Variants in NCS1 observed in about 807,000 individuals in gnomAD.
The protein encoded by NCS1 is frequenin homolog.
A neutral mutation model predicts 28.4 loss-of-function variants in NCS1; 6 were observed. The observed-to-expected ratio is 0.21, with a 90% CI of 0.12 to 0.42. The LOEUF is 0.42. NCS1 is among the 10% of genes least tolerant of loss of function. The probability of loss-of-function intolerance (pLI) is 1.00; values close to 1 mark genes in which losing one functional copy is unlikely to be tolerated. For missense variants in NCS1, 131 were observed against 241.4 expected, an observed-to-expected ratio of 0.54 and a Z score of 3.03; for synonymous variants, 86 against 99.3, an observed-to-expected ratio of 0.87 and a Z score of 0.79.
chr9:130,225,494 T>A (rs997315682), intron 6 of NCS1, among the ~76,000 whole-genome samples: 1 of 152,278 alleles, frequency 6.6e-6, no homozygotes, highest in Middle Eastern at 3.2e-3. Flanking sequence ...ACTGTCCCCC[T>A]GTCTGCACTT....
chr9:130,185,263 G>A (rs1832723943), intron 1 of NCS1, among the ~76,000 whole-genome samples: 1 of 152,260 alleles, frequency 6.6e-6, no homozygotes, highest in African/African-American at 2.4e-5. Context: ...GTCTCGTTGC[G>A]TGGCTGCCGG....
At chr9:130,206,727 A>G (rs1472106378) in intron 2 of NCS1, among the ~76,000 whole-genome samples, 1 of 152,054 alleles carries the variant, frequency 6.6e-6, no homozygotes, top group Non-Finnish European at 1.5e-5. Context: ...TGTTCTGAAC[A>G]ACTCTCAGGA....
chr9:130,187,670 G>A (rs375496726), intron 1 of NCS1, among the ~76,000 whole-genome samples: 3 of 152,182 alleles, frequency 2.0e-5, no homozygotes, highest in Non-Finnish European at 4.4e-5. Flanking sequence ...TGCCACCGTT[G>A]CCCAGTCTCT....
Position 130,235,811 on chromosome 9 carries a change from G to T in NCS1, c.*2839G>T, listed in dbSNP as rs1429246424. Reference sequence around the variant, plus strand: ...GCAGCCCGTGCGCCTCTCCACAGCGGCGTTTGCCACCCAATGCGGCTCGCT... The same window carrying T: ...GCAGCCCGTGCGCCTCTCCACAGCGTCGTTTGCCACCCAATGCGGCTCGCT... On this transcript the variant is annotated 3_prime_UTR_variant, in exon 8 of 8. Coordinates refer to ENST00000372398, the MANE Select transcript of NCS1 (RefSeq NM_014286.4). 1 of 152,352 alleles carries T rather than the reference G, an allele frequency of 6.6e-6. No homozygotes were observed. Among genetic ancestry groups the T allele is most frequent in the East Asian group, 1.9e-4 (1 of 5,192 alleles). 9.4% of individuals were successfully genotyped at this position (152,352 alleles called of 1,614,324 possible).
At chr9:130,184,177 G>A (rs1832709527) in intron 1 of NCS1, among the ~76,000 whole-genome samples, 1 of 152,068 alleles carries the variant, frequency 6.6e-6, no homozygotes, top group African/African-American at 2.4e-5. Context: ...AACAGAGCTG[G>A]GTTCAAATCC....
At chr9:130,224,934 G>A (rs554589857) in intron 6 of NCS1, among the ~76,000 whole-genome samples, 2 of 152,320 alleles carry the variant, frequency 1.3e-5, no homozygotes, top group South Asian at 4.1e-4. Flanking sequence ...GCTCACACCT[G>A]TCATCCCAGC....
chr9:130,212,310 C>A (rs936986581), intron 2 of NCS1, among the ~76,000 whole-genome samples: 1 of 151,880 alleles, frequency 6.6e-6, no homozygotes, highest in Admixed American at 6.6e-5. Flanking sequence ...GGTGGTTCTG[C>A]CCCCGAGGGG....
chr9:130,196,898 G>C lies in NCS1; in HGVS notation c.65-4060G>C, dbSNP rs576450191. ...AGTTTTTTCCTGCTGATCTGGACCC[G>C]ATCCAGGCATCTTGAGTTACATTTG... is the stretch of plus-strand genomic sequence containing the variant. On this transcript the variant is annotated intron_variant, in intron 1 of 7. Transcript: ENST00000372398. Among the ~76,000 whole-genome samples, 3 of 152,284 alleles carry C rather than the reference G, an allele frequency of 2.0e-5. No homozygotes were observed. The East Asian group carries it at 5.8e-4, about 29-fold the overall frequency.
chr9:130,190,911 G>A (rs781964238), intron 1 of NCS1, among the ~76,000 whole-genome samples: 9 of 152,148 alleles, frequency 5.9e-5, no homozygotes, highest in Non-Finnish European at 7.3e-5. Flanking sequence ...AGAGGGAAAC[G>A]GGGCTTTGAT....
intron 2 of NCS1, among the ~76,000 whole-genome samples, chr9:130,206,392 TTTCTTTC>T (rs1456629350): frequency 1.6e-5 from 2 of 121,948 alleles, no homozygotes; most frequent in African/African-American, 6.9e-5. Flanking sequence ...TTCTTTTTCT[TTTCTTTC>T]TTTCTTTTTT....
intron 1 of NCS1, among the ~76,000 whole-genome samples, chr9:130,187,230 G>A (rs1177818218): frequency 3.9e-5 from 6 of 152,170 alleles, no homozygotes; most frequent in Middle Eastern, 3.2e-3. Context: ...GTCAGGGTCC[G>A]GCCTACAGCG....
chr9:130,185,391 T>C (rs1441449138), intron 1 of NCS1, among the ~76,000 whole-genome samples: 2 of 152,230 alleles, frequency 1.3e-5, no homozygotes, highest in African/African-American at 2.4e-5. Context: ...TCTTGGGCTT[T>C]GCTTTCCGTT....
chr9:130,219,831 G>C lies in NCS1; in HGVS notation c.307+28G>C. ...AAGTCCTGCCCCCTTGGCCCTGTGT[G>C]GCAGCAGCTGGAGGGCCCAGGTCAG... On this transcript the variant is annotated intron_variant, in intron 4 of 7. Transcript: ENST00000372398. The surrounding 1 kb of genome is among the most constrained non-coding windows in gnomAD (Gnocchi z 5.7). 6.2e-7 allele frequency: 1 copy of C among 1,611,732 alleles called. No homozygotes were observed. Among genetic ancestry groups the C allele is most frequent in the South Asian group, 1.1e-5 (1 of 91,010 alleles).
intron 2 of NCS1, among the ~76,000 whole-genome samples, chr9:130,216,851 T>C (rs1304306595): frequency 6.8e-6 from 1 of 147,046 alleles, no homozygotes; most frequent in African/African-American, 2.5e-5. Flanking sequence ...ATAGATGACC[T>C]CTCTCTCTGG....
chr9:130,206,290 G>A (rs1421170963), intron 2 of NCS1, among the ~76,000 whole-genome samples: 1 of 152,156 alleles, frequency 6.6e-6, no homozygotes, highest in Non-Finnish European at 1.5e-5. Context: ...TTGCACAGAA[G>A]GCAAATGAGG....
At chr9:130,185,296 G>C (rs1412787360) in intron 1 of NCS1, among the ~76,000 whole-genome samples, 1 of 152,268 alleles carries the variant, frequency 6.6e-6, no homozygotes, top group Non-Finnish European at 1.5e-5. Flanking sequence ...TCCTAGAACA[G>C]AGCCTGTGCA....
intron 2 of NCS1, among the ~76,000 whole-genome samples, chr9:130,206,381 G>A (rs113978397): frequency 0.048 from 6,858 of 144,242 alleles, 547 homozygotes; most frequent in African/African-American, 0.17. Flanking sequence ...ACCCATTCTT[G>A]TTCTTTTTCT....
At chr9:130,185,692 G>C (rs569625639) in intron 1 of NCS1, among the ~76,000 whole-genome samples, 1 of 152,242 alleles carries the variant, frequency 6.6e-6, no homozygotes, top group Non-Finnish European at 1.5e-5. Context: ...GGGAAACAGC[G>C]AATGCTTTCC....
intron 2 of NCS1, among the ~76,000 whole-genome samples, chr9:130,201,371 G>C (rs909927319): frequency 1.3e-5 from 2 of 152,170 alleles, no homozygotes; most frequent in African/African-American, 2.4e-5. Flanking sequence ...TGATCGATTC[G>C]ATTGGATCAG....
Sources: allele counts gnomAD v4.1 joint callset (sites outside exome capture counted in the v4.1 genomes callset), GRCh38; gene constraint gnomAD v4.1.1; non-coding constraint Gnocchi (gnomAD v3.1); transcripts MANE v1.5; gene names NCBI Gene and HGNC (gene_info 2026-07-23, HGNC 2026-07-21).